Variants in LRP1B observed in about 807,000 individuals in gnomAD.
LRP1B encodes low-density lipoprotein receptor-related protein 1B.
A neutral mutation model predicts 556.6 loss-of-function variants in LRP1B; 217 were observed. The ratio of observed to expected loss-of-function variants is 0.39; its 90% confidence interval spans 0.35 to 0.44. LRP1B has a LOEUF of 0.44. Ranked by LOEUF, LRP1B falls within the 20% of genes least tolerant of loss-of-function variation. The pLI is 1.00. For missense variants in LRP1B, 5,053 were observed against 5,620.8 expected, an observed-to-expected ratio of 0.90 and a Z score of 3.23; for synonymous variants, 2,047 against 1,865.8, an observed-to-expected ratio of 1.10 and a Z score of -2.50.
chr2:141,249,396 C>T (rs941541701), intron 4 of LRP1B, among the ~76,000 whole-genome samples: 1 of 151,932 alleles, frequency 6.6e-6, no homozygotes, highest in African/African-American at 2.4e-5. Flanking sequence ...CAGAAGTTTG[C>T]GATCAGCATG....
intron 1 of LRP1B, among the ~76,000 whole-genome samples, chr2:142,004,806 C>T (rs2105143305): frequency 6.6e-6 from 1 of 151,904 alleles, no homozygotes; most frequent in East Asian, 1.9e-4. Flanking sequence ...GAGCCATGAT[C>T]GTGCCACTGC....
Position 141,963,780 on chromosome 2 carries a change from G to A in LRP1B, c.83-153379C>T, listed in dbSNP as rs1196591581. 3.4e-4 allele frequency among the ~76,000 whole-genome samples: 50 copies of A among 146,866 alleles called. 1 individual carries two copies. The highest frequency in any genetic ancestry group is 3.4e-3 in the Middle Eastern group (1 of 294). On this transcript the variant is annotated intron_variant, in intron 1 of 90. Transcript: ENST00000389484. ...AGGAGAAGGAAATAAAGGGTATTCA[G>A]TTAGGAAAAGAGGAAGTCAAATTGT... is the stretch of plus-strand genomic sequence containing the variant.
intron 59 of LRP1B, among the ~76,000 whole-genome samples, chr2:140,484,583 A>G (rs1252737150): frequency 1.3e-5 from 2 of 152,196 alleles, no homozygotes; most frequent in African/African-American, 4.8e-5. Context: ...TCCAAAGATC[A>G]TTTTGGAGCA....
intron 66 of LRP1B, among the ~76,000 whole-genome samples, chr2:140,408,056 T>C (rs1164565786): frequency 1.3e-5 from 2 of 152,064 alleles, no homozygotes; most frequent in African/African-American, 4.8e-5. Flanking sequence ...GAGGCCATTA[T>C]TCTAAGTGAA....
At chr2:141,313,879 C>A (rs544728520) in intron 3 of LRP1B, among the ~76,000 whole-genome samples, 1 of 141,800 alleles carries the variant, frequency 7.1e-6, no homozygotes, top group African/African-American at 2.7e-5. Flanking sequence ...TTTTTTTTTT[C>A]AAACACATCT....
intron 2 of LRP1B, among the ~76,000 whole-genome samples, chr2:141,587,005 C>T (rs953680554): frequency 1.3e-5 from 2 of 149,476 alleles, no homozygotes; most frequent in Non-Finnish European, 3.0e-5. Flanking sequence ...TCATATATGA[C>T]ACCTGCATGT....
chr2:142,014,792 G>T (rs1272266778), intron 1 of LRP1B, among the ~76,000 whole-genome samples: 1 of 152,212 alleles, frequency 6.6e-6, no homozygotes, highest in South Asian at 2.1e-4. Flanking sequence ...GGATGGCAGA[G>T]AAAATACATG....
intron 22 of LRP1B, among the ~76,000 whole-genome samples, chr2:140,907,125 A>C (rs981843793): frequency 1.3e-5 from 2 of 152,052 alleles, no homozygotes; most frequent in African/African-American, 4.8e-5. Context: ...TCACAGCCTC[A>C]AGTCATCTCA....
chr2:140,323,710 A>G (rs1370813233), intron 81 of LRP1B, among the ~76,000 whole-genome samples, 183 bp downstream of exon 81: 4 of 152,036 alleles, frequency 2.6e-5, no homozygotes, highest in Non-Finnish European at 4.4e-5. Context: ...TCCCAATTAC[A>G]GCAGAAATAG....
intron 1 of LRP1B, among the ~76,000 whole-genome samples, chr2:141,925,969 C>T (rs937990915): frequency 6.6e-6 from 1 of 151,964 alleles, no homozygotes. Flanking sequence ...GAAAAAAACA[C>T]AGGGAAACAA....
chr2:140,582,870 T>C (rs1186696632), intron 43 of LRP1B, among the ~76,000 whole-genome samples: 1 of 152,182 alleles, frequency 6.6e-6, no homozygotes, highest in Non-Finnish European at 1.5e-5. Flanking sequence ...TTCCAACCAT[T>C]CAGCAGGCCC....
chr2:140,999,036 G>T (rs1198557086), intron 15 of LRP1B, among the ~76,000 whole-genome samples: 2 of 151,998 alleles, frequency 1.3e-5, no homozygotes, highest in Non-Finnish European at 2.9e-5. Context: ...AATTCCATTT[G>T]TAGTTGTCTG....
At chr2:140,395,111 A>G (rs1684192748) in intron 66 of LRP1B, among the ~76,000 whole-genome samples, 1 of 152,210 alleles carries the variant, frequency 6.6e-6, no homozygotes, top group South Asian at 2.1e-4. Flanking sequence ...TAATGGGAAC[A>G]CTTTGCAATT....
In LRP1B at chr2:141,279,204, A is replaced by G. The variant is rs182442488; in HGVS notation, c.344-24563T>C. 5.8e-4 allele frequency among the ~76,000 whole-genome samples: 88 copies of G among 152,244 alleles called. No homozygotes were observed. In the East Asian group the frequency reaches 0.016, roughly 27 times the overall value. On this transcript the variant is annotated intron_variant, in intron 3 of 90. Coordinates refer to ENST00000389484, the MANE Select transcript of LRP1B (RefSeq NM_018557.3). Reference sequence around the variant, plus strand: ...CAAAAAAAAAGGTTGAAAAGATTAAATGAATTGATTATGCACCTAATTTTT... The same window carrying G: ...CAAAAAAAAAGGTTGAAAAGATTAAGTGAATTGATTATGCACCTAATTTTT...
chr2:142,017,198 C>T lies in LRP1B; in HGVS notation c.82+113450G>A, dbSNP rs1319628348. Among the ~76,000 whole-genome samples, 3 of 152,124 alleles carry T rather than the reference C, an allele frequency of 2.0e-5. No individual in the cohort carries two copies. In the East Asian group the frequency reaches 5.8e-4, roughly 29 times the overall value. On this transcript the variant is annotated intron_variant, in intron 1 of 90. Coordinates refer to ENST00000389484, the MANE Select transcript of LRP1B (RefSeq NM_018557.3). ...AATATTAGTCTTAGAAACATTGGCA[C>T]TCAATCATCTGAGGCAGGAAATTGA...
At chr2:140,267,291 T>C (rs1447935964) in intron 86 of LRP1B, among the ~76,000 whole-genome samples, 1 of 151,988 alleles carries the variant, frequency 6.6e-6, no homozygotes, top group African/African-American at 2.4e-5. Context: ...TTGCTTCTTA[T>C]ATGGTTTAAC....
At chr2:141,247,146 A>C in intron 5 of LRP1B, 80 bp downstream of exon 5, 1 of 1,512,912 alleles carries the variant, frequency 6.6e-7, no homozygotes, top group Non-Finnish European at 9.1e-7. Context: ...TTTCTGCTAT[A>C]CCACATCTCT....
chr2:140,931,907 C>A (rs1695061640), intron 20 of LRP1B, among the ~76,000 whole-genome samples: 1 of 152,066 alleles, frequency 6.6e-6, no homozygotes, highest in African/African-American at 2.4e-5. Flanking sequence ...ATTAACCAAT[C>A]AACTTAACAG....
chr2:141,892,962 T>A (rs1699335895), intron 1 of LRP1B, among the ~76,000 whole-genome samples: 1 of 152,164 alleles, frequency 6.6e-6, no homozygotes. Context: ...GTTCATTTGC[T>A]TTAGTGATTG....
Sources: allele counts gnomAD v4.1 joint callset (sites outside exome capture counted in the v4.1 genomes callset), GRCh38; gene constraint gnomAD v4.1.1; transcripts MANE v1.5; gene names NCBI Gene and HGNC (gene_info 2026-07-23, HGNC 2026-07-21).